Variants in CFAP45 observed in about 807,000 individuals in gnomAD.
CFAP45 encodes the protein cilia- and flagella-associated protein 45.
In CFAP45, 43 loss-of-function variants were observed where a neutral mutation model predicts 75.6. That is an observed-to-expected ratio of 0.57 (90% CI 0.45 to 0.73). CFAP45 has a LOEUF of 0.73. Among genes scored for constraint, CFAP45 ranks in the 30% least tolerant of loss-of-function variants. The pLI is 0.00. For missense variants in CFAP45, 689 were observed against 701.5 expected, an observed-to-expected ratio of 0.98 and a Z score of 0.20; for synonymous variants, 223 against 244.6, an observed-to-expected ratio of 0.91 and a Z score of 0.82.
intron 6 of CFAP45, among the ~76,000 whole-genome samples, chr1:159,884,942 A>G (rs1649641068): frequency 6.6e-6 from 1 of 152,224 alleles, no homozygotes; most frequent in African/African-American, 2.4e-5. Context: ...CTGAATAGTA[A>G]AAAGCCAAAC....
At position 159,872,990 on chromosome 1, in the gene CFAP45, G is replaced by T. The variant is rs556361801; in HGVS notation, c.1531C>A (p.Arg511Ser). The T allele has an allele frequency of 6.2e-6, 10 of 1,614,122 alleles. No homozygotes were observed. The highest frequency in any genetic ancestry group is 1.3e-5 in the African/African-American group (1 of 74,940). ...RRLKEEAQKR[R>S]ERIDEIKRKK... ...CTCTTGATCTCATCGATGCGCTCAC[G>T]GCGTTTCTGGGCCTCCTCTTTGAGG... The change falls in exon 11 of 12, where the codon CGT (arginine) becomes AGT (serine). Residue 511 changes from arginine to serine, a missense_variant. Physicochemically the swap from Arg to Ser is moderately radical, Grantham distance 110. Transcript: ENST00000368099.
chr1:159,873,151 A>G lies in CFAP45; in HGVS notation c.1370T>C (p.Ile457Thr). 6.2e-7 allele frequency: 1 copy of G among 1,613,578 alleles called. No homozygotes were observed. The highest frequency in any genetic ancestry group is 8.5e-7 in the Non-Finnish European group (1 of 1,179,816). The change falls in exon 11 of 12, where the codon ATT becomes ACT. Residue 457 changes from isoleucine (I) to threonine (T), a missense_variant. Transcript: ENST00000368099. Reference sequence around the variant, plus strand: ...CTCCTCCTCCAGCCGCTCCTTCTCAATCTGTTCTCTCTGAGCCCTGGGGGA... The same window carrying G: ...CTCCTCCTCCAGCCGCTCCTTCTCAGTCTGTTCTCTCTGAGCCCTGGGGGA... The part of the protein sequence containing the change: ...ERILRAQREQ[I>T]EKERLEEEKK...
intron 10 of CFAP45, among the ~76,000 whole-genome samples, chr1:159,876,036 A>G (rs1352565678): frequency 1.3e-5 from 2 of 152,216 alleles, no homozygotes; most frequent in Non-Finnish European, 2.9e-5. Flanking sequence ...GGGCAAGAGC[A>G]GTGTTTTGTT....
At chr1:159,885,953 G>T (rs952545834) in intron 6 of CFAP45, among the ~76,000 whole-genome samples, 1 of 152,182 alleles carries the variant, frequency 6.6e-6, no homozygotes, top group Non-Finnish European at 1.5e-5. Flanking sequence ...TTGGGGGCCT[G>T]GGAAAAAGCA....
chr1:159,894,401 C>A (rs1055897539), intron 1 of CFAP45, among the ~76,000 whole-genome samples: 2 of 152,234 alleles, frequency 1.3e-5, no homozygotes, highest in Non-Finnish European at 2.9e-5. Flanking sequence ...ACAAATGACG[C>A]TACTGTTTGA....
At chr1:159,896,101 G>C (rs936852585) in intron 1 of CFAP45, among the ~76,000 whole-genome samples, 2 of 152,188 alleles carry the variant, frequency 1.3e-5, no homozygotes, top group East Asian at 3.8e-4. Context: ...AAGGGCTTTG[G>C]AATACAGATG....
intron 7 of CFAP45, among the ~76,000 whole-genome samples, chr1:159,881,120 C>T (rs530171446): frequency 4.6e-5 from 7 of 152,182 alleles, no homozygotes; most frequent in Non-Finnish European, 8.8e-5. Flanking sequence ...ATACATATTG[C>T]CTTAATTGAG....
chr1:159,896,877 AT>A (rs1424345375), intron 1 of CFAP45, among the ~76,000 whole-genome samples: 1 of 152,242 alleles, frequency 6.6e-6, no homozygotes, highest in African/African-American at 2.4e-5. Context: ...ATGCAGAAAG[AT>A]TTGCTGATCA....
rs1023438050 is a variant in CFAP45, at chr1:159,872,516, G to A, written c.1625C>T (p.Ala542Val). The A allele has an allele frequency of 9.3e-6, 15 of 1,614,078 alleles. No individual in the cohort carries two copies. The African/African-American group carries it at 1.7e-4, about 19-fold the overall frequency. The part of the protein sequence containing the change: ...EKYCIEAERK[A>V]NILPATSVN ...CACAGAGGTAGCTGGCAGGATGTTAGCTTTGCGCTCAGCTTCAATGCAGTA... is the reference window on the plus strand; with the variant it reads ...CACAGAGGTAGCTGGCAGGATGTTAACTTTGCGCTCAGCTTCAATGCAGTA... Residue 542 changes from alanine to valine, a missense_variant, in exon 12 of 12, where the codon GCT becomes GTT. Physicochemically the swap from Ala to Val is moderately conservative, Grantham distance 64. Coordinates refer to ENST00000368099, the MANE Select transcript of CFAP45 (RefSeq NM_012337.3).
intron 1 of CFAP45, among the ~76,000 whole-genome samples, chr1:159,896,751 C>T (rs1649960628): frequency 6.6e-6 from 1 of 152,118 alleles, no homozygotes; most frequent in African/African-American, 2.4e-5. Context: ...AAGATGCCAG[C>T]CCTGCTTTGA....
rs754377504 is a variant in CFAP45, at chr1:159,900,084, G to A, written c.3+12C>T. On this transcript the variant is annotated intron_variant, in intron 1 of 11. Coordinates refer to ENST00000368099, the MANE Select transcript of CFAP45 (RefSeq NM_012337.3). ...TCAGGACACAAGGGGCCCATCTGAG[G>A]TTCTCCCTCACCATCTCCTCAGCCA... is the stretch of plus-strand genomic sequence containing the variant. 2.5e-6 allele frequency: 4 copies of A among 1,614,042 alleles called. No homozygotes were observed. In the South Asian group the frequency reaches 4.4e-5, roughly 18 times the overall value.
In CFAP45 at chr1:159,884,463, C is replaced by CAT; in HGVS notation, c.868_869dup (p.Met290IlefsTer10). 2 of 1,613,780 alleles carry CAT rather than the reference C, an allele frequency of 1.2e-6. No individual in the cohort carries two copies. Among genetic ancestry groups the CAT allele is most frequent in the Non-Finnish European group, 1.7e-6 (2 of 1,179,858 alleles). ...TTAGATCTTCCTCTTGGAGCTGTTC[C>CAT]ATATATTCCAGCATCTGCTCCTTCT... is the stretch of plus-strand genomic sequence containing the variant. On this transcript the variant is annotated frameshift_variant, in exon 7 of 12. Transcript: ENST00000368099. LOFTEE classifies it high-confidence loss of function.
At chr1:159,892,068 C>G (rs1649841565) in intron 2 of CFAP45, among the ~76,000 whole-genome samples, 1 of 152,088 alleles carries the variant, frequency 6.6e-6, no homozygotes, top group Admixed American at 6.6e-5. Context: ...GGGCAGATTG[C>G]TTGAGCTTAG....
chr1:159,881,906 ACT>A (rs890083195), intron 7 of CFAP45, among the ~76,000 whole-genome samples: 1 of 152,054 alleles, frequency 6.6e-6, no homozygotes, highest in African/African-American at 2.4e-5. Context: ...CACCTCCCAC[ACT>A]GTTTCCAGCT....
intron 8 of CFAP45, 105 bp downstream of exon 8, chr1:159,880,449 A>C: frequency 1.0e-6 from 1 of 969,918 alleles, no homozygotes. Context: ...TCTTAGAATG[A>C]AGGTGCGGCT....
intron 11 of CFAP45, 142 bp from the exon 12 acceptor site, chr1:159,872,705 C>T: frequency 1.2e-6 from 1 of 814,664 alleles, no homozygotes; most frequent in South Asian, 1.6e-5. Context: ...CCGAAACACA[C>T]ATTCATGCCA....
In CFAP45 at chr1:159,872,549, G is replaced by A; in HGVS notation, c.1592C>T (p.Pro531Leu). 1 of 1,614,126 alleles carries A rather than the reference G, an allele frequency of 6.2e-7. No homozygotes were observed. The highest frequency in any genetic ancestry group is 8.5e-7 in the Non-Finnish European group (1 of 1,179,964). The change falls in exon 12 of 12, where the codon CCC becomes CTC. Residue 531 changes from proline to leucine, a missense_variant. Coordinates refer to ENST00000368099, the MANE Select transcript of CFAP45 (RefSeq NM_012337.3). ...KLEELRATGL[P>L]EKYCIEAERK... ...CTCAGCTTCAATGCAGTACTTCTCG[G>A]GAAGGCCAGTGGCTCTGCCGGGGAA...
intron 7 of CFAP45, among the ~76,000 whole-genome samples, chr1:159,881,963 T>A (rs1649560866): frequency 6.6e-6 from 1 of 152,222 alleles, no homozygotes; most frequent in African/African-American, 2.4e-5. Context: ...GCCTTCCAGG[T>A]CTTCCTCAGC....
chr1:159,888,142 C>T, intron 4 of CFAP45, 131 bp from the exon 5 acceptor site: 1 of 1,135,140 alleles, frequency 8.8e-7, no homozygotes, highest in Non-Finnish European at 1.2e-6. Context: ...CCAAGAAGTT[C>T]CACAGCCTGG....
Sources: gnomAD v4.1 joint callset for allele counts (sites outside exome capture counted in the v4.1 genomes callset) on GRCh38, gnomAD v4.1.1 for gene constraint, MANE v1.5 for transcripts, NCBI Gene and HGNC (gene_info 2026-07-23, HGNC 2026-07-21) for gene names.